Variants in NTRK3 observed in about 807,000 individuals in gnomAD.
NTRK3 encodes NT-3 growth factor receptor.
A neutral mutation model predicts 91.7 loss-of-function variants in NTRK3; 24 were observed. The ratio of observed to expected loss-of-function variants is 0.26; its 90% CI spans 0.19 to 0.37. The LOEUF (loss-of-function observed/expected upper bound fraction) is 0.37, where lower values mean the gene tolerates loss of function less well. NTRK3 is among the 10% of genes least tolerant of loss of function. The pLI is 1.00. For missense variants in NTRK3, 880 were observed against 1,068.9 expected (o/e 0.82, Z 2.46); for synonymous variants, 483 against 404.0 (o/e 1.20, Z -2.34).
intron 13 of NTRK3, among the ~76,000 whole-genome samples, chr15:88,089,848 C>T (rs1354220945): frequency 1.3e-5 from 2 of 152,208 alleles, no homozygotes; most frequent in Non-Finnish European, 1.5e-5. Context: ...TTACACCCTC[C>T]ACAGTCTCCC....
chr15:87,867,448 TG>T, exon 19 of NTRK3: 3 of 229,692 alleles, frequency 1.3e-5, no homozygotes, highest in East Asian at 6.2e-5. Context: ...CTCCTCAGTG[TG>T]GGGGGGATGT....
intron 3 of NTRK3, among the ~76,000 whole-genome samples, chr15:88,205,073 T>G (rs991939848): frequency 1.3e-5 from 2 of 152,062 alleles, no homozygotes; most frequent in Non-Finnish European, 2.9e-5. Context: ...GCTGAGAAAT[T>G]GGAGAGAAAG....
At chr15:87,956,384 C>G (rs56272184) in intron 14 of NTRK3, among the ~76,000 whole-genome samples, 32,470 of 152,132 alleles carry the variant, frequency 0.21, 4,024 homozygotes, top group South Asian at 0.4. Flanking sequence ...AGCGTTTCTC[C>G]TGCCTCAGCC....
chr15:88,082,429 T>C (rs1387397130), intron 13 of NTRK3, among the ~76,000 whole-genome samples: 1 of 152,208 alleles, frequency 6.6e-6, no homozygotes, highest in Non-Finnish European at 1.5e-5. Flanking sequence ...AGGAAGTTTT[T>C]GCATGTGTGT....
chr15:88,167,534 G>T (rs1257019061), intron 5 of NTRK3, among the ~76,000 whole-genome samples: 2 of 152,164 alleles, frequency 1.3e-5, no homozygotes, highest in East Asian at 3.8e-4. Flanking sequence ...GTAATTGCTA[G>T]CTACTTCATC....
At position 87,983,602 on chromosome 15, in the gene NTRK3, A is replaced by C. The variant is rs897270166; in HGVS notation, c.1586-42849T>G. Among the ~76,000 whole-genome samples, 3 of 152,164 alleles carry C rather than the reference A, an allele frequency of 2.0e-5. 1 individual carries two copies. Among genetic ancestry groups the C allele is most frequent in the Non-Finnish European group, 4.4e-5 (3 of 68,040 alleles). On this transcript the variant is annotated intron_variant, in intron 14 of 18. Coordinates refer to ENST00000394480, the Ensembl canonical transcript of NTRK3. ...TTAACTCCACTTTACAAGGGAGAAA[A>C]CTGTGCCTTTATAATATGGAAAAAC...
At position 87,912,931 on chromosome 15, in the gene NTRK3, A is replaced by AATATATATATATATATAT. The variant is rs58367924; in HGVS notation, c.2133+16242_2133+16259dup. Among the ~76,000 whole-genome samples the AATATATATATATATATAT allele has an allele frequency of 3.6e-3, 131 of 36,310 alleles. 6 individuals carry two copies. Among genetic ancestry groups the AATATATATATATATATAT allele is most frequent in the South Asian group, 7.1e-3 (6 of 844 alleles). 23.8% of individuals were successfully genotyped at this position (36,310 alleles called of 152,430 possible). ...TTCAACTTTTCAAAAAGTAAAAAAA[A>AATATATATATATATATAT]ATATATATATATATATATATATATA... On this transcript the variant is annotated intron_variant, in intron 17 of 18. Coordinates refer to ENST00000394480, the Ensembl canonical transcript of NTRK3.
intron 13 of NTRK3, among the ~76,000 whole-genome samples, chr15:88,043,786 G>C (rs1392937987): frequency 1.3e-5 from 2 of 152,142 alleles, no homozygotes; most frequent in African/African-American, 4.8e-5. Flanking sequence ...AAGAGAGAGA[G>C]AACTGATGCA....
intron 14 of NTRK3, among the ~76,000 whole-genome samples, chr15:88,000,382 G>A (rs1360307134): frequency 6.6e-6 from 1 of 152,020 alleles, no homozygotes; most frequent in Admixed American, 6.6e-5. Flanking sequence ...TACCAGGCAG[G>A]GTTTTTTTCT....
exon 19 of NTRK3, chr15:87,861,493 A>C: frequency 5.0e-6 from 1 of 198,716 alleles, no homozygotes; most frequent in Non-Finnish European, 1.0e-5. Flanking sequence ...AGTTTAATAC[A>C]AGTTTTGTTC....
intron 3 of NTRK3, among the ~76,000 whole-genome samples, chr15:88,222,895 C>T (rs1033630547): frequency 6.6e-6 from 1 of 152,146 alleles, no homozygotes; most frequent in Admixed American, 6.5e-5. Context: ...AGTCAGGCAG[C>T]GGCGAAGTGA....
chr15:87,952,197 GGAAA>G (rs150413506), intron 14 of NTRK3, among the ~76,000 whole-genome samples: 3,049 of 132,718 alleles, frequency 0.023, 42 homozygotes, highest in Non-Finnish European at 0.036. Flanking sequence ...AAAGAAGAAA[GGAAA>G]GAAAGAAAGA....
intron 17 of NTRK3, among the ~76,000 whole-genome samples, chr15:87,919,146 C>T (rs1359429425): frequency 6.6e-6 from 1 of 152,130 alleles, no homozygotes; most frequent in Non-Finnish European, 1.5e-5. Context: ...GAGAAATGTC[C>T]ACTTTACAAA....
chr15:87,872,770 G>A (rs150636832), exon 19 of NTRK3: 3 of 232,386 alleles, frequency 1.3e-5, no homozygotes, highest in South Asian at 1.8e-4. Context: ...ACTTTTCTTC[G>A]TCTCCTTCCT....
At chr15:88,100,186 T>C (rs184498203) in intron 13 of NTRK3, among the ~76,000 whole-genome samples, 3 of 152,276 alleles carry the variant, frequency 2.0e-5, no homozygotes, top group African/African-American at 7.2e-5. Context: ...TAAGCTTTCC[T>C]AAGATTCTGT....
intron 3 of NTRK3, among the ~76,000 whole-genome samples, chr15:88,206,633 G>A (rs1342050776): frequency 3.3e-5 from 5 of 149,492 alleles, no homozygotes; most frequent in Non-Finnish European, 7.4e-5. Flanking sequence ...ACTCCGGCCT[G>A]GGCGACAGAG....
In NTRK3 at chr15:88,178,965, G is replaced by A. The variant is rs559196277; in HGVS notation, c.395+4453C>T. 5.9e-5 allele frequency among the ~76,000 whole-genome samples: 9 copies of A among 152,260 alleles called. No homozygotes were observed. In the South Asian group the frequency reaches 6.2e-4, roughly 11 times the overall value. On this transcript the variant is annotated intron_variant, in intron 5 of 18. Transcript: ENST00000394480. ...GCTCCTGGGACGTAAAAAAGTACACGGACTTCAGATTCAAAGGATTTAGAG... is the reference window on the plus strand; with the variant it reads ...GCTCCTGGGACGTAAAAAAGTACACAGACTTCAGATTCAAAGGATTTAGAG...
exon 19 of NTRK3, chr15:87,876,843 G>A: frequency 1.4e-6 from 2 of 1,419,018 alleles, no homozygotes; most frequent in Non-Finnish European, 2.0e-6. Flanking sequence ...GTTCGCTTCA[G>A]TCAAGGATGG....
intron 3 of NTRK3, among the ~76,000 whole-genome samples, chr15:88,216,505 G>A (rs2049784956): frequency 6.6e-6 from 1 of 152,202 alleles, no homozygotes; most frequent in African/African-American, 2.4e-5. Context: ...GGTCATGGCA[G>A]GGAGGCGATT....
Sources: gnomAD v4.1 joint callset for allele counts (sites outside exome capture counted in the v4.1 genomes callset) on GRCh38, gnomAD v4.1.1 for gene constraint, MANE v1.5 for transcripts, NCBI Gene and HGNC (gene_info 2026-07-23, HGNC 2026-07-21) for gene names.